TBCD: variants seen among roughly 807,000 people sequenced by gnomAD.
The protein encoded by TBCD is tubulin-specific chaperone D.
In TBCD, 105 loss-of-function variants were observed where a neutral mutation model predicts 169.3. The ratio of observed to expected loss-of-function variants is 0.62; its 90% CI spans 0.53 to 0.73. TBCD has a LOEUF of 0.73. Ranked by LOEUF, TBCD falls within the 30% of genes least tolerant of loss-of-function variation. TBCD has a pLI of 0.00. For missense variants in TBCD, 1,444 were observed against 1,600.1 expected, an observed-to-expected ratio of 0.90 and a Z score of 1.66; for synonymous variants, 700 against 643.9, an observed-to-expected ratio of 1.09 and a Z score of -1.32.
chr17:82,940,064 T>G (rs1274005511), intron 37 of TBCD, among the ~76,000 whole-genome samples: 1 of 151,828 alleles, frequency 6.6e-6, no homozygotes, highest in East Asian at 1.9e-4. Context: ...TGTATTGAGT[T>G]GGGGGTGGGA....
chr17:82,793,412 T>A (rs960595650), intron 7 of TBCD, among the ~76,000 whole-genome samples: 1 of 152,216 alleles, frequency 6.6e-6, no homozygotes, highest in Non-Finnish European at 1.5e-5. Context: ...GTAGTGGGGC[T>A]CTTTAAGATG....
Position 82,832,648 on chromosome 17 carries a change from A to G in TBCD, c.1318+17714A>G. The G allele has an allele frequency of 1.6e-6, 1 of 632,554 alleles. No homozygotes were observed. The highest frequency in any genetic ancestry group is 2.7e-5 in the East Asian group (1 of 36,380). 39.2% of individuals were successfully genotyped at this position (632,554 alleles called of 1,614,324 possible). A position where few individuals can be genotyped will look rare whatever the true frequency, so the allele number is the denominator to read the frequency against. On this transcript the variant is annotated intron_variant, in intron 13 of 38. Coordinates refer to ENST00000355528, the MANE Select transcript of TBCD (RefSeq NM_005993.5). The surrounding 1 kb of genome is among the most constrained non-coding windows in gnomAD (Gnocchi z 4.9). ...CTGGCGGCTGGGAGCTGTAATAAAG[A>G]GCAGTCTTGGTGTCAGGACAGCGAG...
At position 82,782,855 on chromosome 17, in the gene TBCD, C is replaced by T. The variant is rs914894347; in HGVS notation, c.771+1134C>T. On this transcript the variant is annotated intron_variant, in intron 7 of 38. Coordinates refer to ENST00000355528, the MANE Select transcript of TBCD (RefSeq NM_005993.5). This position sits in a 1 kb window ranked among gnomAD's most constrained non-coding sequence, Gnocchi z 5.1. ...GGTGGCGTCCTCCTGTCCGCAGAGG[C>T]GTCCTCATGTCCTCAGTGTTGTCTT... Among the ~76,000 whole-genome samples the T allele has an allele frequency of 6.6e-5, 10 of 151,318 alleles. No individual in the cohort carries two copies. The highest frequency in any genetic ancestry group is 2.4e-4 in the African/African-American group (10 of 41,118).
chr17:82,899,470 C>T (rs562775892), intron 17 of TBCD, among the ~76,000 whole-genome samples: 1 of 152,248 alleles, frequency 6.6e-6, no homozygotes, highest in East Asian at 1.9e-4. Flanking sequence ...TGTGTGTCCG[C>T]AGCGCGTGTG....
chr17:82,942,364 A>C (rs963371337), intron 38 of TBCD, 85 bp from the exon 39 acceptor site: 92 of 1,586,004 alleles, frequency 5.8e-5, no homozygotes, highest in Non-Finnish European at 7.7e-5. Context: ...GTCCCCACAC[A>C]GGGCCCAGAG....
rs74834561 is a variant in TBCD, at chr17:82,925,190, G to A, written c.2379+133G>A. On this transcript the variant is annotated intron_variant, in intron 27 of 38. Coordinates refer to ENST00000355528, the MANE Select transcript of TBCD (RefSeq NM_005993.5). ...AGCTGGGAGGGGGTTCCTGGAAACC[G>A]GCACCTGTGGCCAGGAGGAAGGGGG... The A allele has an allele frequency of 4.2e-3, 3,079 of 731,680 alleles. 103 individuals are homozygous for A. In the African/African-American group the frequency reaches 0.049, roughly 12 times the overall value. The allele number at this position is 731,680 out of a possible 1,614,324, so 45.3% of individuals were successfully genotyped here.
rs573122999 is a variant in TBCD, at chr17:82,830,548, C to T, written c.1318+15614C>T. The T allele has an allele frequency of 3.7e-6, 6 of 1,614,022 alleles. No homozygotes were observed. The African/African-American group carries it at 4.0e-5, about 11-fold the overall frequency. ...AGGGTGGCTGGGCCCATCCTCAGAA[C>T]CTTCTGTCCCAGTCTTCTGTGGAAC... is the stretch of plus-strand genomic sequence containing the variant. On this transcript the variant is annotated intron_variant, in intron 13 of 38. Coordinates refer to ENST00000355528, the MANE Select transcript of TBCD (RefSeq NM_005993.5).
chr17:82,897,685 C>T lies in TBCD; in HGVS notation c.1650-2966C>T, dbSNP rs567444131. On this transcript the variant is annotated intron_variant, in intron 17 of 38. Transcript: ENST00000355528. ...TGTGGTCAGTGTGGTGCACATGACC[C>T]TCCCTCCAGGAGGCGCCATCCTGAC... Among the ~76,000 whole-genome samples the T allele has an allele frequency of 1.2e-4, 18 of 152,336 alleles. No individual in the cohort carries two copies. In the South Asian group the frequency reaches 3.7e-3, roughly 32 times the overall value.
At chr17:82,764,846 C>T (rs1320858860) in intron 3 of TBCD, among the ~76,000 whole-genome samples, 3 of 3,970 alleles carry the variant, frequency 7.6e-4, no homozygotes, top group South Asian at 0.011. Context: ...TACAAGCTTG[C>T]GGGTGTCTGT....
At chr17:82,764,154 G>A in intron 3 of TBCD, 92 bp downstream of exon 3, 2 of 1,023,030 alleles carry the variant, frequency 2.0e-6, no homozygotes, top group East Asian at 2.6e-5. Flanking sequence ...TCTCAAGAAA[G>A]ATAGTTCTTA....
chr17:82,764,435 A>G (rs974386118), intron 3 of TBCD, among the ~76,000 whole-genome samples: 8 of 152,194 alleles, frequency 5.3e-5, no homozygotes, highest in Non-Finnish European at 8.8e-5. Flanking sequence ...ACCTGTGGTC[A>G]GGAGTTCGAG....
At chr17:82,941,759 A>G in intron 38 of TBCD, 2 of 492,650 alleles carry the variant, frequency 4.1e-6, no homozygotes, top group Non-Finnish European at 7.2e-6. Flanking sequence ...CAGGCTCCTC[A>G]TGCCTGGCCC....
At chr17:82,852,309 A>T (rs187257465) in intron 13 of TBCD, among the ~76,000 whole-genome samples, 1 of 152,222 alleles carries the variant, frequency 6.6e-6, no homozygotes, top group Admixed American at 6.5e-5. Flanking sequence ...AGCCCCCAGC[A>T]GTGCTCCTTT....
intron 13 of TBCD, among the ~76,000 whole-genome samples, chr17:82,852,248 G>A (rs1417599426): frequency 1.3e-5 from 2 of 151,436 alleles, no homozygotes; most frequent in Admixed American, 6.6e-5. Flanking sequence ...GTGGTCCTCT[G>A]TGGTGGCTCC....
intron 13 of TBCD, among the ~76,000 whole-genome samples, chr17:82,815,278 C>T (rs967492820): frequency 1.3e-5 from 2 of 152,218 alleles, no homozygotes; most frequent in African/African-American, 4.8e-5. Context: ...CTTGTAATGT[C>T]TGATTTTCTT....
intron 13 of TBCD, among the ~76,000 whole-genome samples, chr17:82,865,003 A>G (rs569311149): frequency 1.3e-5 from 2 of 152,298 alleles, no homozygotes; most frequent in South Asian, 2.1e-4. Flanking sequence ...GCAGCGTTGC[A>G]GGTGCAGCAG....
chr17:82,814,729 C>A lies in TBCD; in HGVS notation c.1224-111C>A. On this transcript the variant is annotated intron_variant, in intron 12 of 38. Transcript: ENST00000355528. ...TGGGTTTTAGTGAGCCTTACGTGAGCCTTACAGGCAGAGGATATGGACCTG... is the reference window on the plus strand; with the variant it reads ...TGGGTTTTAGTGAGCCTTACGTGAGACTTACAGGCAGAGGATATGGACCTG... 7.9e-6 allele frequency: 8 copies of A among 1,018,560 alleles called. No homozygotes were observed. In the East Asian group the frequency reaches 1.3e-4, roughly 16 times the overall value. The allele number at this position is 1,018,560 out of a possible 1,614,324, so 63.1% of individuals were successfully genotyped here.
intron 13 of TBCD, among the ~76,000 whole-genome samples, chr17:82,844,332 G>A (rs1598877795): frequency 1.3e-5 from 2 of 151,954 alleles, no homozygotes; most frequent in East Asian, 3.9e-4. Context: ...AGCTGGGACT[G>A]CAGGAGCGCC....
intron 17 of TBCD, among the ~76,000 whole-genome samples, chr17:82,895,287 T>C (rs1188268995): frequency 6.6e-6 from 1 of 152,160 alleles, no homozygotes; most frequent in Non-Finnish European, 1.5e-5. Flanking sequence ...CCTGCAGTCA[T>C]GGCTGCACCC....
Sources: gnomAD v4.1 joint callset for allele counts (sites outside exome capture counted in the v4.1 genomes callset) on GRCh38, gnomAD v4.1.1 for gene constraint, Gnocchi (gnomAD v3.1) non-coding constraint, MANE v1.5 for transcripts, NCBI Gene and HGNC (gene_info 2026-07-23, HGNC 2026-07-21) for gene names.